GABRG3: variants seen among roughly 807,000 people sequenced by gnomAD.
GABRG3 encodes the protein gamma-aminobutyric acid receptor subunit gamma-3.
GABRG3 carries 25 observed loss-of-function variants against 48.8 expected under a neutral mutation model. That is an observed-to-expected ratio of 0.51 (90% CI 0.37 to 0.72). The LOEUF is 0.72. GABRG3 is among the 30% of genes least tolerant of loss of function. The probability of loss-of-function intolerance (pLI) is 0.00; values close to 1 mark genes in which losing one functional copy is unlikely to be tolerated. For missense variants in GABRG3, 394 were observed against 577.9 expected, an observed-to-expected ratio of 0.68 and a Z score of 3.26; for synonymous variants, 227 against 217.6, an observed-to-expected ratio of 1.04 and a Z score of -0.38.
chr15:27,423,765 A>G (rs1244913589), intron 5 of GABRG3, among the ~76,000 whole-genome samples: 3 of 96,944 alleles, frequency 3.1e-5, no homozygotes, highest in Non-Finnish European at 5.6e-5. Flanking sequence ...ATGATGTCTC[A>G]TTATATTGCC....
intron 6 of GABRG3, among the ~76,000 whole-genome samples, chr15:27,506,876 T>A (rs988975172): frequency 6.9e-6 from 1 of 144,086 alleles, no homozygotes; most frequent in Admixed American, 6.7e-5. Context: ...AAAGTGACTA[T>A]TTTTTTTCTA....
intron 3 of GABRG3, among the ~76,000 whole-genome samples, chr15:27,193,424 C>T (rs1162256683): frequency 2.0e-5 from 3 of 152,004 alleles, no homozygotes; most frequent in East Asian, 1.9e-4. Flanking sequence ...TGGGCAATGG[C>T]GGGCGCCCCT....
chr15:27,487,050 G>T (rs972665690), intron 6 of GABRG3, among the ~76,000 whole-genome samples: 2 of 152,112 alleles, frequency 1.3e-5, no homozygotes, highest in Non-Finnish European at 2.9e-5. Context: ...TAATATATCA[G>T]TCTGGGTTTG....
chr15:27,015,415 C>T (rs1454322888), intron 2 of GABRG3, among the ~76,000 whole-genome samples: 15 of 138,088 alleles, frequency 1.1e-4, no homozygotes, highest in East Asian at 6.5e-4. Flanking sequence ...GATGGAATCT[C>T]GCTCTGTCAC....
chr15:27,087,821 ATG>A (rs1189168130), intron 3 of GABRG3, among the ~76,000 whole-genome samples: 2 of 150,362 alleles, frequency 1.3e-5, no homozygotes, highest in Admixed American at 6.6e-5. Flanking sequence ...GAGTGTGATT[ATG>A]TGTGGTGTGT....
chr15:27,503,597 C>T (rs909322906), intron 6 of GABRG3, among the ~76,000 whole-genome samples: 1 of 152,128 alleles, frequency 6.6e-6, no homozygotes, highest in African/African-American at 2.4e-5. Context: ...TATCCCAAGG[C>T]TCAGAATACA....
chr15:27,418,579 A>G (rs903354375), intron 5 of GABRG3, among the ~76,000 whole-genome samples: 2 of 152,184 alleles, frequency 1.3e-5, no homozygotes, highest in Admixed American at 6.5e-5. Context: ...GCACATTCCA[A>G]TGGCCCCCAC....
At chr15:27,226,990 G>A (rs758091981) in intron 3 of GABRG3, among the ~76,000 whole-genome samples, 2 of 152,004 alleles carry the variant, frequency 1.3e-5, no homozygotes, top group African/African-American at 4.8e-5. Context: ...TTAATAAAAC[G>A]TTGATATCAG....
At chr15:27,265,225 A>G (rs528944275) in intron 3 of GABRG3, among the ~76,000 whole-genome samples, 34 of 152,094 alleles carry the variant, frequency 2.2e-4, no homozygotes, top group African/African-American at 4.3e-4. Flanking sequence ...TTCTATTACT[A>G]CCTCTACCTC....
chr15:27,069,315 C>A (rs1338679465), intron 3 of GABRG3, among the ~76,000 whole-genome samples: 1 of 152,184 alleles, frequency 6.6e-6, no homozygotes, highest in African/African-American at 2.4e-5. Context: ...GGAGGGAGCA[C>A]TGGACATAGA....
chr15:27,016,240 C>CTTTTTTTT (rs34202673), intron 2 of GABRG3, among the ~76,000 whole-genome samples: 1 of 140,714 alleles, frequency 7.1e-6, no homozygotes, highest in Non-Finnish European at 1.5e-5. Context: ...TTCTTTCTTT[C>CTTTTTTTT]TTTTTTTTTT....
At chr15:27,343,046 TA>T (rs1894244150) in intron 5 of GABRG3, among the ~76,000 whole-genome samples, 1 of 152,212 alleles carries the variant, frequency 6.6e-6, no homozygotes, top group Non-Finnish European at 1.5e-5. Flanking sequence ...TCCAAGACCC[TA>T]CCTGTCTACT....
Position 27,012,743 on chromosome 15 carries a change from T to G in GABRG3, c.203-14011T>G, listed in dbSNP as rs184680733. Among the ~76,000 whole-genome samples, 16 of 152,304 alleles carry G rather than the reference T, an allele frequency of 1.1e-4. No homozygotes were observed. The East Asian group carries it at 2.7e-3, about 26-fold the overall frequency. The stretch of plus-strand genomic sequence containing the variant: ...TATAAAAAACAGCTGGTTTATTGAT[T>G]AGTTTACTTGTTTAATCTCCGTTTC... On this transcript the variant is annotated intron_variant, in intron 2 of 9. Transcript: ENST00000615808.
chr15:27,393,537 TC>T (rs1245457807), intron 5 of GABRG3, among the ~76,000 whole-genome samples: 1 of 152,096 alleles, frequency 6.6e-6, no homozygotes, highest in Non-Finnish European at 1.5e-5. Context: ...TGTATACCCT[TC>T]TATATCTATA....
At chr15:27,100,344 C>A (rs1897335241) in intron 3 of GABRG3, among the ~76,000 whole-genome samples, 2 of 151,900 alleles carry the variant, frequency 1.3e-5, no homozygotes, top group South Asian at 4.2e-4. Flanking sequence ...AATTAATGTT[C>A]CCAAAAAAGA....
intron 5 of GABRG3, among the ~76,000 whole-genome samples, chr15:27,478,736 T>C (rs1389412572): frequency 1.3e-5 from 2 of 152,144 alleles, no homozygotes; most frequent in African/African-American, 4.8e-5. Flanking sequence ...AAAAATGGAC[T>C]CAACCAAAAG....
intron 5 of GABRG3, among the ~76,000 whole-genome samples, chr15:27,394,264 T>A (rs1199093826): frequency 6.6e-6 from 1 of 152,136 alleles, no homozygotes; most frequent in Non-Finnish European, 1.5e-5. Context: ...GCTCTTAGTG[T>A]TTTCCCTGAA....
intron 5 of GABRG3, among the ~76,000 whole-genome samples, chr15:27,438,813 C>T (rs961983812): frequency 6.6e-5 from 10 of 152,122 alleles, no homozygotes; most frequent in Admixed American, 3.3e-4. Flanking sequence ...ACAAGTGGAC[C>T]GTGACACCCA....
At chr15:27,213,660 C>T (rs535364080) in intron 3 of GABRG3, among the ~76,000 whole-genome samples, 59 of 152,300 alleles carry the variant, frequency 3.9e-4, no homozygotes, top group African/African-American at 1.3e-3. Flanking sequence ...TCCAAAACAG[C>T]GGCCTCCCAT....
Sources: gnomAD v4.1 joint callset for allele counts (sites outside exome capture counted in the v4.1 genomes callset) on GRCh38, gnomAD v4.1.1 for gene constraint, MANE v1.5 for transcripts, NCBI Gene and HGNC (gene_info 2026-07-23, HGNC 2026-07-21) for gene names.